Variants in NEXMIF observed in about 807,000 individuals in gnomAD.
The protein encoded by NEXMIF is XLMR protein related to neurite extension.
NEXMIF carries 8 observed loss-of-function variants against 62.1 expected under a neutral mutation model. The ratio of observed to expected loss-of-function variants is 0.13; its 90% CI spans 0.08 to 0.23. The LOEUF (loss-of-function observed/expected upper bound fraction) is 0.23. NEXMIF is among the 10% of genes least tolerant of loss of function. NEXMIF has a pLI of 1.00. For synonymous variants in NEXMIF, 404 were observed against 416.6 expected, an observed-to-expected ratio of 0.97 and a Z score of 0.37; for missense variants, 976 against 1,113.3, an observed-to-expected ratio of 0.88 and a Z score of 1.75.
intron 1 of NEXMIF, among the ~76,000 whole-genome samples, chrX:74,792,424 C>T (rs1296338799): frequency 9.5e-6 from 1 of 105,344 alleles, no homozygotes; most frequent in East Asian, 3.0e-4. Flanking sequence ...ATAGGTGTGG[C>T]GTGGTGCTGA....
chrX:74,784,256 C>A (rs1224328253), intron 1 of NEXMIF, among the ~76,000 whole-genome samples: 1 of 111,710 alleles, frequency 9.0e-6, no homozygotes, highest in African/African-American at 3.3e-5. Context: ...CAATTCTGCA[C>A]TTTCCTTAAG....
At chrX:74,807,998 T>G (rs2080349993) in intron 1 of NEXMIF, among the ~76,000 whole-genome samples, 1 of 112,391 alleles carries the variant, frequency 8.9e-6, no homozygotes, top group African/African-American at 3.2e-5. Flanking sequence ...TTGAATTCTG[T>G]CAAATGCTTT....
intron 1 of NEXMIF, among the ~76,000 whole-genome samples, chrX:74,904,966 A>C (rs2080762332): frequency 9.0e-6 from 1 of 111,423 alleles, no homozygotes; most frequent in African/African-American, 3.3e-5. Context: ...AACCTTTGCA[A>C]ATCAAGTCTA....
At chrX:74,795,143 G>T (rs1188560447) in intron 1 of NEXMIF, among the ~76,000 whole-genome samples, 1 of 112,080 alleles carries the variant, frequency 8.9e-6, no homozygotes, top group Non-Finnish European at 1.9e-5. Context: ...TGTGTTAAAA[G>T]TTAGACCTAC....
chrX:74,741,668 A>G lies in NEXMIF; in HGVS notation c.2889T>C (p.Ser963=), dbSNP rs201218179. The G allele has an allele frequency of 1.1e-5, 13 of 1,210,459 alleles. No individual in the cohort carries two copies. In the Middle Eastern group the frequency reaches 6.9e-4, roughly 64 times the overall value. ...MQDTQLPSDD[S]YQLCHFNNGE... ...CATTATTAAAGTGACATAATTGGTA[A>G]GAGTCATCAGATGGGAGTTGGGTAT... The change falls in exon 3 of 4, where the codon TCT becomes TCC. Residue 963 remains serine (S), a synonymous_variant. Coordinates refer to ENST00000055682, the MANE Select transcript of NEXMIF (RefSeq NM_001008537.3).
At chrX:74,875,541 A>G (rs1386118894) in intron 1 of NEXMIF, among the ~76,000 whole-genome samples, 2 of 111,462 alleles carry the variant, frequency 1.8e-5, no homozygotes, top group Non-Finnish European at 3.8e-5. Context: ...CTCTTTTTCT[A>G]TTGATTGGAA....
intron 1 of NEXMIF, among the ~76,000 whole-genome samples, chrX:74,878,011 GCT>G (rs1450300661): frequency 8.9e-6 from 1 of 112,258 alleles, no homozygotes; most frequent in Admixed American, 9.4e-5. Context: ...TCTCCATCCA[GCT>G]TTATTCCATT....
intron 1 of NEXMIF, among the ~76,000 whole-genome samples, chrX:74,879,927 T>C (rs996794767): frequency 8.9e-6 from 1 of 112,076 alleles, no homozygotes; most frequent in Non-Finnish European, 1.9e-5. Context: ...TTTTCCATTG[T>C]CATCGATAAT....
chrX:74,922,651 C>T (rs1314091392), intron 1 of NEXMIF, among the ~76,000 whole-genome samples: 3 of 111,917 alleles, frequency 2.7e-5, no homozygotes, highest in Non-Finnish European at 5.6e-5. Flanking sequence ...CATCTCTACT[C>T]AAACTCTATC....
chrX:74,739,991 T>C (rs986471581), intron 3 of NEXMIF, 109 bp downstream of exon 3: 11 of 681,749 alleles, frequency 1.6e-5, no homozygotes, highest in Non-Finnish European at 2.2e-5. Context: ...GGACAGTTTC[T>C]TTCATGCAAA....
intron 1 of NEXMIF, among the ~76,000 whole-genome samples, chrX:74,761,408 T>C (rs1169927177): frequency 9.0e-6 from 1 of 111,628 alleles, no homozygotes; most frequent in Non-Finnish European, 1.9e-5. Context: ...TTGTTACTAA[T>C]TCCTTGTTCA....
At chrX:74,749,632 C>T (rs2080135941) in intron 1 of NEXMIF, among the ~76,000 whole-genome samples, 1 of 110,719 alleles carries the variant, frequency 9.0e-6, no homozygotes, top group Admixed American at 9.7e-5. Flanking sequence ...CTTTCCCAAC[C>T]TCCCTTTCAC....
In NEXMIF at chrX:74,776,950, G is replaced by T. The variant is rs558029244; in HGVS notation, c.-47-31253C>A. ...TATTTTAGCAGCTGCTGATGGGGCT[G>T]GGTTAAATTCTACACATTAGCGACT... On this transcript the variant is annotated intron_variant, in intron 1 of 3. Coordinates refer to ENST00000055682, the MANE Select transcript of NEXMIF (RefSeq NM_001008537.3). Among the ~76,000 whole-genome samples, 3 of 110,835 alleles carry T rather than the reference G, an allele frequency of 2.7e-5. No homozygotes were observed. The Admixed American group carries it at 2.9e-4, about 11-fold the overall frequency.
intron 1 of NEXMIF, among the ~76,000 whole-genome samples, chrX:74,767,082 G>C (rs2080197034): frequency 8.9e-6 from 1 of 112,439 alleles, no homozygotes; most frequent in Non-Finnish European, 1.9e-5. Context: ...AGTGAGGGCT[G>C]CAAGACAGCA....
At chrX:74,860,885 A>C (rs1388785744) in intron 1 of NEXMIF, among the ~76,000 whole-genome samples, 2 of 111,803 alleles carry the variant, frequency 1.8e-5, no homozygotes, top group Non-Finnish European at 3.8e-5. Context: ...GAAGAAAAGA[A>C]ATAAGAAAGA....
intron 1 of NEXMIF, among the ~76,000 whole-genome samples, chrX:74,912,854 T>A (rs954997326): frequency 9.0e-6 from 1 of 111,102 alleles, no homozygotes; most frequent in Non-Finnish European, 1.9e-5. Context: ...TAACAAGCAA[T>A]AATGAGAAGT....
intron 1 of NEXMIF, among the ~76,000 whole-genome samples, chrX:74,803,288 C>A (rs772972599): frequency 8.9e-6 from 1 of 112,113 alleles, no homozygotes; most frequent in African/African-American, 3.2e-5. Flanking sequence ...GCCGGGCTCA[C>A]GCCTGTAATC....
intron 1 of NEXMIF, among the ~76,000 whole-genome samples, chrX:74,776,370 T>C (rs2080228459): frequency 9.0e-6 from 1 of 111,612 alleles, no homozygotes; most frequent in African/African-American, 3.3e-5. Flanking sequence ...GGGATGAAGA[T>C]GAATGAGTTA....
Position 74,889,863 on chromosome X carries a change from C to A in NEXMIF, c.-48+35020G>T, listed in dbSNP as rs781412569. 2.1e-3 allele frequency among the ~76,000 whole-genome samples: 236 copies of A among 111,042 alleles called. 4 individuals carry two copies. The highest frequency in any genetic ancestry group is 3.6e-3 in the Non-Finnish European group (192 of 52,873). On this transcript the variant is annotated intron_variant, in intron 1 of 3. Coordinates refer to ENST00000055682, the MANE Select transcript of NEXMIF (RefSeq NM_001008537.3). ...GAATGGTTTGGTGAATAGCCATAATCAAAGACACACTGCTCTTCAGTCTGC... is the reference window on the plus strand; with the variant it reads ...GAATGGTTTGGTGAATAGCCATAATAAAAGACACACTGCTCTTCAGTCTGC...
Sources: allele counts gnomAD v4.1 joint callset (sites outside exome capture counted in the v4.1 genomes callset), GRCh38; gene constraint gnomAD v4.1.1; transcripts MANE v1.5; gene names NCBI Gene and HGNC (gene_info 2026-07-23, HGNC 2026-07-21).